Variants in DPP6 observed in about 807,000 individuals in gnomAD.
The protein encoded by DPP6 is A-type potassium channel modulatory protein DPP6.
DPP6 carries 69 observed loss-of-function variants against 122.6 expected under a neutral mutation model. The observed-to-expected ratio is 0.56, with a 90% CI of 0.46 to 0.69. The LOEUF (loss-of-function observed/expected upper bound fraction) is 0.69, where lower values mean the gene tolerates loss of function less well. DPP6 is among the 30% of genes least tolerant of loss of function. The pLI is 0.00. For missense variants in DPP6, 928 were observed against 1,116.9 expected, an observed-to-expected ratio of 0.83 and a Z score of 2.41; for synonymous variants, 418 against 433.1, an observed-to-expected ratio of 0.97 and a Z score of 0.43.
chr7:154,832,172 G>T (rs750344151), intron 16 of DPP6, among the ~76,000 whole-genome samples: 2 of 152,134 alleles, frequency 1.3e-5, no homozygotes, highest in Non-Finnish European at 2.9e-5. Flanking sequence ...AGTGGCTGCC[G>T]TATGCCAGGC....
At chr7:153,997,942 G>A (rs1250865701) in intron 1 of DPP6, among the ~76,000 whole-genome samples, 34 of 151,738 alleles carry the variant, frequency 2.2e-4, no homozygotes. Flanking sequence ...GATTTCAGAA[G>A]TGAGATCATG....
chr7:154,164,625 C>T (rs1797150817), intron 1 of DPP6, among the ~76,000 whole-genome samples: 1 of 152,138 alleles, frequency 6.6e-6, no homozygotes, highest in South Asian at 2.1e-4. Flanking sequence ...AGTCACTTCC[C>T]ATTCATCCTT....
intron 8 of DPP6, among the ~76,000 whole-genome samples, chr7:154,766,144 T>C (rs1795883323): frequency 6.6e-6 from 1 of 152,142 alleles, no homozygotes; most frequent in African/African-American, 2.4e-5. Context: ...GAAAATAAAC[T>C]AAAGCTGCCC....
At chr7:153,924,369 A>T (rs1297927083) in intron 1 of DPP6, among the ~76,000 whole-genome samples, 3 of 152,088 alleles carry the variant, frequency 2.0e-5, no homozygotes, top group Admixed American at 6.6e-5. Context: ...AGCCTCCCCA[A>T]AGTGCTGGGA....
the DPP6 span, among the ~76,000 whole-genome samples, chr7:153,806,780 G>A: frequency 6.6e-6 from 1 of 152,048 alleles, no homozygotes; most frequent in East Asian, 1.9e-4. Flanking sequence ...ATTTCTCTTT[G>A]TTCTAGTGCT....
intron 1 of DPP6, among the ~76,000 whole-genome samples, chr7:154,283,002 C>G (rs1804625080): frequency 6.6e-6 from 1 of 152,138 alleles, no homozygotes; most frequent in Non-Finnish European, 1.5e-5. Context: ...GGGACAATAC[C>G]CATACATATC....
At chr7:154,425,607 T>A (rs201456974) in intron 1 of DPP6, among the ~76,000 whole-genome samples, 63 of 86,876 alleles carry the variant, frequency 7.3e-4, no homozygotes, top group African/African-American at 1.4e-3. Flanking sequence ...GAAAAAAATG[T>A]GTGTGTGTGT....
At chr7:154,280,409 G>A (rs1330248781) in intron 1 of DPP6, among the ~76,000 whole-genome samples, 1 of 152,074 alleles carries the variant, frequency 6.6e-6, no homozygotes, top group Non-Finnish European at 1.5e-5. Context: ...GCAGACCTTG[G>A]CTCATACCCA....
intron 2 of DPP6, among the ~76,000 whole-genome samples, chr7:154,448,934 A>T (rs902085692): frequency 6.6e-6 from 1 of 152,220 alleles, no homozygotes; most frequent in Admixed American, 6.5e-5. Context: ...TGGACCAAAG[A>T]CCCAAAATAT....
At chr7:154,008,241 G>C (rs1263885594) in intron 1 of DPP6, among the ~76,000 whole-genome samples, 2 of 152,178 alleles carry the variant, frequency 1.3e-5, no homozygotes, top group Admixed American at 1.3e-4. Flanking sequence ...AGAAACAAGA[G>C]AGCCAGAGAA....
At chr7:154,521,725 G>A (rs1586530687) in intron 3 of DPP6, among the ~76,000 whole-genome samples, 1 of 152,074 alleles carries the variant, frequency 6.6e-6, no homozygotes, top group Admixed American at 6.6e-5. Flanking sequence ...CATTACTGAC[G>A]TTGTAAAAAT....
chr7:154,615,636 C>A (rs1022761175), intron 5 of DPP6, among the ~76,000 whole-genome samples: 1 of 152,120 alleles, frequency 6.6e-6, no homozygotes, highest in Non-Finnish European at 1.5e-5. Flanking sequence ...GCAACAGATC[C>A]CAATGCCTTT....
chr7:154,388,865 G>C (rs1814358981), intron 1 of DPP6, among the ~76,000 whole-genome samples: 2 of 152,212 alleles, frequency 1.3e-5, no homozygotes, highest in Admixed American at 6.5e-5. Flanking sequence ...TCATAGGTCT[G>C]AGATAATTTA....
chr7:154,882,239 T>A (rs1326888574), intron 21 of DPP6, among the ~76,000 whole-genome samples: 1 of 152,164 alleles, frequency 6.6e-6, no homozygotes, highest in East Asian at 1.9e-4. Flanking sequence ...GGGGACCCTG[T>A]GCACCTGTCA....
chr7:154,358,194 C>T (rs1321137787), intron 1 of DPP6, among the ~76,000 whole-genome samples: 3 of 152,190 alleles, frequency 2.0e-5, no homozygotes, highest in Non-Finnish European at 4.4e-5. Flanking sequence ...CATAGTTATA[C>T]TGTGAGGTAT....
intron 1 of DPP6, among the ~76,000 whole-genome samples, chr7:153,919,829 A>G (rs746686348): frequency 6.6e-6 from 1 of 152,200 alleles, no homozygotes; most frequent in African/African-American, 2.4e-5. Flanking sequence ...GATTGGGGAA[A>G]TCAAATAGGA....
intron 1 of DPP6, among the ~76,000 whole-genome samples, chr7:154,120,738 T>C (rs867292882): frequency 2.0e-4 from 30 of 152,188 alleles, no homozygotes; most frequent in African/African-American, 7.0e-4. Context: ...CATGAGGAAC[T>C]CTGGTTTCAT....
intron 9 of DPP6, among the ~76,000 whole-genome samples, chr7:154,769,849 C>G (rs572034944): frequency 2.0e-5 from 3 of 152,292 alleles, no homozygotes; most frequent in South Asian, 2.1e-4. Context: ...TCACCACTCC[C>G]CAGTGATGAA....
chr7:154,804,895 T>G (rs1798598143), intron 14 of DPP6, 22 bp from the exon 15 acceptor site: 1 of 1,595,816 alleles, frequency 6.3e-7, no homozygotes, highest in African/African-American at 1.3e-5. Flanking sequence ...ACTAACCCTG[T>G]GCACCTTGGT....
Sources: gnomAD v4.1 joint callset for allele counts (sites outside exome capture counted in the v4.1 genomes callset) on GRCh38, gnomAD v4.1.1 for gene constraint, MANE v1.5 for transcripts, NCBI Gene and HGNC (gene_info 2026-07-23, HGNC 2026-07-21) for gene names.